Variants in ANKFN1 observed in about 807,000 individuals in gnomAD.
ANKFN1 encodes ankyrin repeat and fibronectin type-III domain-containing protein 1.
In ANKFN1, 74 loss-of-function variants were observed where a neutral mutation model predicts 108.7. The ratio of observed to expected loss-of-function variants is 0.68; its 90% CI spans 0.56 to 0.83. The LOEUF is 0.83. Ranked by LOEUF, ANKFN1 falls within the 40% of genes least tolerant of loss-of-function variation. The pLI, the probability that ANKFN1 is intolerant of heterozygous loss-of-function variation, is 0.00. For missense variants in ANKFN1, 1,505 were observed against 1,382.3 expected, an observed-to-expected ratio of 1.09 and a Z score of -1.41; for synonymous variants, 547 against 516.2, an observed-to-expected ratio of 1.06 and a Z score of -0.81.
intron 3 of ANKFN1, among the ~76,000 whole-genome samples, chr17:56,286,065 C>T (rs1344297806): frequency 6.6e-6 from 1 of 152,126 alleles, no homozygotes; most frequent in Non-Finnish European, 1.5e-5. Context: ...CAGTATCCTG[C>T]TCTGCCTGCT....
intron 20 of ANKFN1, among the ~76,000 whole-genome samples, chr17:56,502,309 C>T (rs1350646550): frequency 1.3e-5 from 2 of 152,158 alleles, no homozygotes; most frequent in Non-Finnish European, 2.9e-5. Flanking sequence ...GCCAAACTCT[C>T]ACGTTGGCCT....
chr17:56,301,639 G>A (rs569093441), intron 3 of ANKFN1, among the ~76,000 whole-genome samples: 2 of 152,288 alleles, frequency 1.3e-5, no homozygotes, highest in South Asian at 4.1e-4. Flanking sequence ...TGGATTTACT[G>A]AATGATGAAG....
chr17:56,161,586 C>G (rs1301788453), intron 1 of ANKFN1, among the ~76,000 whole-genome samples: 1 of 152,134 alleles, frequency 6.6e-6, no homozygotes, highest in Admixed American at 6.5e-5. Context: ...TAATTCCCCA[C>G]ATTACTCAGA....
intron 3 of ANKFN1, among the ~76,000 whole-genome samples, chr17:56,298,598 C>T (rs888159541): frequency 5.9e-5 from 9 of 151,768 alleles, no homozygotes; most frequent in Non-Finnish European, 1.2e-4. Flanking sequence ...TATTTATAAA[C>T]AACATTTTCA....
intron 19 of ANKFN1, among the ~76,000 whole-genome samples, chr17:56,492,954 G>C (rs9915946): frequency 0.081 from 12,289 of 152,184 alleles, 1,207 homozygotes; most frequent in African/African-American, 0.24. Flanking sequence ...TTTGGATCTG[G>C]CCTGAAATTG....
At chr17:56,284,050 T>A (rs8069977) in intron 3 of ANKFN1, among the ~76,000 whole-genome samples, 6,785 of 152,306 alleles carry the variant, frequency 0.045, 519 homozygotes, top group African/African-American at 0.16. Context: ...CACATCTGAC[T>A]GATAAATTAA....
Position 56,400,692 on chromosome 17 carries a change from T to C in ANKFN1, c.910+25978T>C, listed in dbSNP as rs1220542216. ...AATGTCTAGAAGGATTTTTCCAATT[T>C]AATCTTCTAGAATTATTATAGTTTT... On this transcript the variant is annotated intron_variant, in intron 8 of 20. Transcript: ENST00000682825. 3.9e-5 allele frequency among the ~76,000 whole-genome samples: 6 copies of C among 152,342 alleles called. 1 individual carries two copies. In the East Asian group the frequency reaches 9.6e-4, roughly 24 times the overall value.
chr17:56,177,966 G>A lies in ANKFN1; in HGVS notation c.-71+24436G>A, dbSNP rs76053774. On this transcript the variant is annotated intron_variant, in intron 1 of 20. Transcript: ENST00000682825. ...ACTTGAGGAATGTCACAATGGAATT[G>A]GTTATAAATGCAGAATAACTGCTAA... 6.0e-3 allele frequency among the ~76,000 whole-genome samples: 918 copies of A among 152,242 alleles called. 3 individuals carry two copies. Among genetic ancestry groups the A allele is most frequent in the African/African-American group, 0.02 (851 of 41,540 alleles).
chr17:56,513,565 A>G lies in ANKFN1; in HGVS notation c.*2296A>G, dbSNP rs563241093. 9.2e-5 allele frequency among the ~76,000 whole-genome samples: 14 copies of G among 152,310 alleles called. No homozygotes were observed. The South Asian group carries it at 2.7e-3, about 29-fold the overall frequency. ...TCCTGATCCTGATCATTCTGGTGGC[A>G]TAGGAGGAAGTTTGTGACTGAATCA... On this transcript the variant is annotated 3_prime_UTR_variant, in exon 21 of 21. Coordinates refer to ENST00000682825, the MANE Select transcript of ANKFN1 (RefSeq NM_001370326.1).
At chr17:56,277,598 A>C (rs2043968073) in intron 3 of ANKFN1, among the ~76,000 whole-genome samples, 1 of 152,166 alleles carries the variant, frequency 6.6e-6, no homozygotes, top group Admixed American at 6.5e-5. Context: ...TAAAGATTAA[A>C]AAACTGGTGT....
intron 3 of ANKFN1, among the ~76,000 whole-genome samples, chr17:56,280,575 G>T (rs1165365582): frequency 6.6e-6 from 1 of 152,064 alleles, no homozygotes; most frequent in Non-Finnish European, 1.5e-5. Context: ...CTTGCAGATG[G>T]CATATTGTGG....
At chr17:56,062,571 T>TTC (rs1904993729) in intron 4 of ANKFN1, among the ~76,000 whole-genome samples, 2 of 151,338 alleles carry the variant, frequency 1.3e-5, no homozygotes, top group Non-Finnish European at 1.5e-5. Flanking sequence ...TTTTTTTTTT[T>TTC]TTCTTTCCAT....
chr17:56,439,782 GA>G (rs1366852599), intron 8 of ANKFN1, among the ~76,000 whole-genome samples: 1 of 152,202 alleles, frequency 6.6e-6, no homozygotes, highest in African/African-American at 2.4e-5. Context: ...CTTTTCAGTA[GA>G]ATATGGCGAA....
rs150040769 is a variant in ANKFN1 at position 56,437,973 on chromosome 17, GGTGTGTGTGTGT to G, written c.911-2331_911-2320del. Among the ~76,000 whole-genome samples, 13 of 142,274 alleles carry G rather than the reference GGTGTGTGTGTGT, an allele frequency of 9.1e-5. No homozygotes were observed. The South Asian group carries it at 1.8e-3, about 20-fold the overall frequency. The allele number at this position is 142,274 out of a possible 152,430, so 93.3% of individuals were successfully genotyped here. On this transcript the variant is annotated intron_variant, in intron 8 of 20. Transcript: ENST00000682825. Reference sequence around the variant, plus strand: ...GTGTTGGAAAAACTAATCTACTGTAGGTGTGTGTGTGTGTGTGTGTGTGTGTGTGTGTGTATA... The same window carrying G: ...GTGTTGGAAAAACTAATCTACTGTAGGTGTGTGTGTGTGTGTGTGTGTATA...
chr17:56,137,307 C>T (rs1484497760), intron 4 of ANKFN1, among the ~76,000 whole-genome samples: 1 of 152,154 alleles, frequency 6.6e-6, no homozygotes, highest in Non-Finnish European at 1.5e-5. Flanking sequence ...GGGCCTGGCT[C>T]TATAAGACAC....
In ANKFN1 at chr17:56,227,971, C is replaced by T. The variant is rs1267468172; in HGVS notation, c.53+14C>T. Reference sequence around the variant, plus strand: ...TTGCAGCAAAATGTAAGTACATTTCCTCCTTGAAATGGTATCTACTTCTCA... The same window carrying T: ...TTGCAGCAAAATGTAAGTACATTTCTTCCTTGAAATGGTATCTACTTCTCA... On this transcript the variant is annotated intron_variant, in intron 3 of 20. Coordinates refer to ENST00000682825, the MANE Select transcript of ANKFN1 (RefSeq NM_001370326.1). The T allele has an allele frequency of 6.2e-7, 1 of 1,600,634 alleles. No individual in the cohort carries two copies. Among genetic ancestry groups the T allele is most frequent in the Non-Finnish European group, 8.5e-7 (1 of 1,172,638 alleles).
chr17:56,440,243 T>C (rs551096302), intron 8 of ANKFN1, 84 bp from the exon 9 acceptor site: 1 of 756,064 alleles, frequency 1.3e-6, no homozygotes, highest in Non-Finnish European at 2.2e-6. Context: ...GATTGTATGC[T>C]AGAGTTTCTA....
chr17:56,320,373 T>A (rs951084393), intron 3 of ANKFN1, among the ~76,000 whole-genome samples: 3 of 152,116 alleles, frequency 2.0e-5, no homozygotes, highest in Non-Finnish European at 2.9e-5. Flanking sequence ...AGTGTGCCAA[T>A]TGAGAAAATA....
At chr17:56,252,217 T>C (rs193091139) in intron 3 of ANKFN1, 112 of 152,320 alleles carry the variant, frequency 7.4e-4, no homozygotes, top group African/African-American at 2.6e-3. Context: ...TTCTTCATTC[T>C]ATAGCTGAAG....
Sources: gnomAD v4.1 joint callset for allele counts (sites outside exome capture counted in the v4.1 genomes callset) on GRCh38, gnomAD v4.1.1 for gene constraint, MANE v1.5 for transcripts, NCBI Gene and HGNC (gene_info 2026-07-23, HGNC 2026-07-21) for gene names.